RELN: variants seen among roughly 807,000 people sequenced by gnomAD.
The protein encoded by RELN is reelin.
In RELN, 108 loss-of-function variants were observed where a neutral mutation model predicts 427.6. The ratio of observed to expected loss-of-function variants is 0.25; its 90% CI spans 0.22 to 0.30. The LOEUF (loss-of-function observed/expected upper bound fraction) is 0.30. RELN is among the 10% of genes least tolerant of loss of function. The pLI, the probability that RELN is intolerant of heterozygous loss-of-function variation, is 1.00. For missense variants in RELN, 3,715 were observed against 4,302.8 expected (o/e 0.86, Z 3.82); for synonymous variants, 1,524 against 1,513.4 (o/e 1.01, Z -0.16).
chr7:103,822,073 C>T (rs1299054010), intron 3 of RELN, among the ~76,000 whole-genome samples: 1 of 151,978 alleles, frequency 6.6e-6, no homozygotes, highest in Non-Finnish European at 1.5e-5. Context: ...CTAAATAAAA[C>T]ATCAATATGC....
chr7:103,520,957 ATTTTTTTTTTTTTTT>A (rs55830035), intron 48 of RELN, among the ~76,000 whole-genome samples: 9 of 79,188 alleles, frequency 1.1e-4, no homozygotes, highest in Non-Finnish European at 1.6e-4. Context: ...TAAATTTGTT[ATTTTTTTTTTTTTTT>A]TTTTTTTTTT....
chr7:103,717,774 T>A (rs1789975593), intron 8 of RELN, among the ~76,000 whole-genome samples: 1 of 151,884 alleles, frequency 6.6e-6, no homozygotes, highest in African/African-American at 2.4e-5. Flanking sequence ...CCAGGGAGAG[T>A]GATTCTGGAA....
intron 21 of RELN, among the ~76,000 whole-genome samples, chr7:103,611,395 T>A (rs970880659): frequency 6.6e-6 from 1 of 152,204 alleles, no homozygotes; most frequent in Non-Finnish European, 1.5e-5. Flanking sequence ...TCATTTCTTT[T>A]TTATTTCCAA....
chr7:103,494,632 C>T (rs1424545724), intron 57 of RELN, among the ~76,000 whole-genome samples: 1 of 150,488 alleles, frequency 6.6e-6, no homozygotes, highest in East Asian at 1.9e-4. Context: ...GATCCTTCCT[C>T]CTTGGCCTCC....
At chr7:103,681,352 ATAGT>A (rs1284191749) in intron 11 of RELN, among the ~76,000 whole-genome samples, 1 of 152,234 alleles carries the variant, frequency 6.6e-6, no homozygotes, top group Non-Finnish European at 1.5e-5. Flanking sequence ...TTGTCAGTCA[ATAGT>A]TAAATTATTG....
intron 11 of RELN, among the ~76,000 whole-genome samples, chr7:103,678,245 A>T (rs1041369946): frequency 2.0e-5 from 3 of 152,286 alleles, no homozygotes; most frequent in Admixed American, 2.0e-4. Context: ...ATATTATAGC[A>T]ATGTTCTACA....
intron 11 of RELN, among the ~76,000 whole-genome samples, chr7:103,676,409 T>C (rs906959585): frequency 6.6e-6 from 1 of 152,140 alleles, no homozygotes; most frequent in Non-Finnish European, 1.5e-5. Context: ...GGAGAGGATG[T>C]GGAGAAATAG....
chr7:103,593,317 T>C (rs1831462803), intron 27 of RELN, among the ~76,000 whole-genome samples: 1 of 152,200 alleles, frequency 6.6e-6, no homozygotes, highest in South Asian at 2.1e-4. Context: ...AAATACCTTG[T>C]AAGTTCAAAT....
At chr7:103,902,537 CAGG>C (rs1201694622) in intron 2 of RELN, among the ~76,000 whole-genome samples, 2 of 151,982 alleles carry the variant, frequency 1.3e-5, no homozygotes, top group Non-Finnish European at 2.9e-5. Flanking sequence ...GGAAGAAAAG[CAGG>C]AGAAGAGCTC....
intron 19 of RELN, among the ~76,000 whole-genome samples, chr7:103,632,888 A>T (rs1832502418): frequency 6.6e-6 from 1 of 152,164 alleles, no homozygotes; most frequent in Admixed American, 6.5e-5. Context: ...AATAATCAAG[A>T]CATAAAAATA....
rs1830025131 is a variant in RELN, at chr7:103,535,313, T to C, written c.7349+3A>G. ...TGTGGTGAACATGTAGAAGCATTCT[T>C]ACCTGGTATAAGGAGGGAGAGGCAG... On this transcript the variant is annotated splice_donor_region_variant and intron_variant, in intron 46 of 64. Coordinates refer to ENST00000428762, the MANE Select transcript of RELN (RefSeq NM_005045.4). 2 of 1,613,828 alleles carry C rather than the reference T, an allele frequency of 1.2e-6. No homozygotes were observed. Among genetic ancestry groups the C allele is most frequent in the Non-Finnish European group, 1.7e-6 (2 of 1,179,782 alleles).
At chr7:103,755,203 C>G (rs2116094799) in intron 4 of RELN, among the ~76,000 whole-genome samples, 1 of 152,236 alleles carries the variant, frequency 6.6e-6, no homozygotes, top group East Asian at 1.9e-4. Flanking sequence ...TGCCTGTAAT[C>G]CCGGCACTTT....
chr7:103,899,258 T>C (rs971806303), intron 2 of RELN, among the ~76,000 whole-genome samples: 2 of 152,036 alleles, frequency 1.3e-5, no homozygotes, highest in African/African-American at 4.8e-5. Context: ...GTAGAATCCC[T>C]GAATAAACCA....
At chr7:103,827,453 T>G (rs1793171293) in intron 3 of RELN, among the ~76,000 whole-genome samples, 1 of 152,086 alleles carries the variant, frequency 6.6e-6, no homozygotes, top group South Asian at 2.1e-4. Context: ...CAAGCCTTCT[T>G]GGAGATTTAT....
In RELN at chr7:103,497,825, T is replaced by G. The variant is rs1353898840; in HGVS notation, c.8945A>C (p.Asp2982Ala). The G allele has an allele frequency of 1.2e-6, 2 of 1,613,876 alleles. No individual in the cohort carries two copies. The highest frequency in any genetic ancestry group is 1.3e-5 in the African/African-American group (1 of 74,908). ...KEGVLLDYST[D>A]GGITWTLLHE... is the part of the protein sequence containing the mutation. ...TTTTCACCCCTGACACATGCCTCCA[T>G]CGGTAGAGTAGTCCAACAGCACGCC... Residue 2982 changes from aspartate to alanine, a missense_variant, in exon 55 of 65, where the codon GAT becomes GCT. This residue lies in a region of RELN where 1,310 missense variants were observed against 1,643.0 expected (regional missense o/e 0.80). Transcript: ENST00000428762.
At chr7:103,648,369 G>A (rs1445084163) in intron 16 of RELN, among the ~76,000 whole-genome samples, 2 of 152,040 alleles carry the variant, frequency 1.3e-5, no homozygotes, top group Non-Finnish European at 2.9e-5. Flanking sequence ...TAAGTTTCCT[G>A]AGACCTCCTA....
chr7:103,760,060 A>G (rs1311203980), intron 4 of RELN, among the ~76,000 whole-genome samples: 2 of 131,448 alleles, frequency 1.5e-5, no homozygotes, highest in East Asian at 4.5e-4. Context: ...ACTGCATTCA[A>G]TTAATATTCA....
chr7:103,647,480 A>G (rs1832820848), intron 16 of RELN, among the ~76,000 whole-genome samples: 1 of 151,792 alleles, frequency 6.6e-6, no homozygotes, highest in Non-Finnish European at 1.5e-5. Context: ...ATACCTAGGA[A>G]TACATTTACC....
At chr7:103,781,925 C>T (rs552735534) in intron 3 of RELN, among the ~76,000 whole-genome samples, 144 of 152,058 alleles carry the variant, frequency 9.5e-4, no homozygotes, top group African/African-American at 3.3e-3. Flanking sequence ...CTTAATTTTA[C>T]ATAATTAGAA....
Sources: allele counts gnomAD v4.1 joint callset (sites outside exome capture counted in the v4.1 genomes callset), GRCh38; gene constraint gnomAD v4.1.1; regional missense constraint gnomAD v4.1.1; transcripts MANE v1.5; gene names NCBI Gene and HGNC (gene_info 2026-07-23, HGNC 2026-07-21).